Variants in ACTR3C observed in about 807,000 individuals in gnomAD.
ACTR3C encodes the protein actin-related protein 3C.
A neutral mutation model predicts 26.3 loss-of-function variants in ACTR3C; 18 were observed. The ratio of observed to expected loss-of-function variants is 0.68; its 90% CI spans 0.47 to 1.01. ACTR3C has a LOEUF of 1.01. Ranked by LOEUF, ACTR3C falls within the 50% of genes least tolerant of loss-of-function variation. ACTR3C has a pLI of 0.00. For missense variants in ACTR3C, 184 were observed against 250.7 expected (o/e 0.73, Z 1.80); for synonymous variants, 55 against 94.5 (o/e 0.58, Z 2.42).
the ACTR3C span, among the ~76,000 whole-genome samples, chr7:150,041,636 C>G: frequency 9.3e-6 from 1 of 107,118 alleles, no homozygotes; most frequent in Non-Finnish European, 2.1e-5. Context: ...CGGGGGGTGC[C>G]TCCCCCCCCC....
chr7:149,983,018 C>T, the ACTR3C span, among the ~76,000 whole-genome samples: 3 of 152,048 alleles, frequency 2.0e-5, no homozygotes, highest in African/African-American at 4.8e-5. Flanking sequence ...CAATAATACA[C>T]GATGGGAAAA....
At chr7:150,199,179 G>A in the ACTR3C span, among the ~76,000 whole-genome samples, 1 of 147,210 alleles carries the variant, frequency 6.8e-6, no homozygotes, top group Admixed American at 6.6e-5. Flanking sequence ...GAAAGGTGGG[G>A]AAAAGATTGA....
At chr7:150,040,617 G>C in the ACTR3C span, 1 of 146,928 alleles carries the variant, frequency 6.8e-6, no homozygotes, top group Admixed American at 6.7e-5. Flanking sequence ...TTCCCGAGCT[G>C]CGTTCGGACC....
At chr7:150,205,257 C>A in the ACTR3C span, among the ~76,000 whole-genome samples, 4 of 152,160 alleles carry the variant, frequency 2.6e-5, no homozygotes, top group South Asian at 8.3e-4. Flanking sequence ...CAAGTGAATT[C>A]ATGAAAGGGT....
At chr7:150,049,115 C>G in the ACTR3C span, among the ~76,000 whole-genome samples, 46 of 152,112 alleles carry the variant, frequency 3.0e-4, no homozygotes, top group African/African-American at 1.1e-3. Flanking sequence ...TGCCTCCTGC[C>G]CAGCCGCAGG....
chr7:150,210,341 C>G, the ACTR3C span, among the ~76,000 whole-genome samples: 1 of 151,064 alleles, frequency 6.6e-6, no homozygotes, highest in East Asian at 1.9e-4. Flanking sequence ...CATATGCCTA[C>G]TGTATGATCT....
intron 3 of ACTR3C, among the ~76,000 whole-genome samples, chr7:150,292,850 C>T (rs1836384950): frequency 6.6e-6 from 1 of 152,074 alleles, no homozygotes; most frequent in Non-Finnish European, 1.5e-5. Context: ...AGCTGGTTGC[C>T]ATTCACATCT....
At chr7:150,161,222 A>ATATATATATATATATATATATATATATT in the ACTR3C span, among the ~76,000 whole-genome samples, 2 of 120,378 alleles carry the variant, frequency 1.7e-5, no homozygotes, top group Admixed American at 8.3e-5. Flanking sequence ...ATATATATAT[A>ATATATATATATATATATATATATATATT]TATTTATTAT....
the ACTR3C span, among the ~76,000 whole-genome samples, chr7:150,187,359 A>G: frequency 1.3e-5 from 2 of 152,138 alleles, no homozygotes; most frequent in African/African-American, 4.8e-5. Context: ...TGTTACAAAT[A>G]TAGGAGATAA....
intron 6 of ACTR3C, among the ~76,000 whole-genome samples, chr7:150,254,085 G>A (rs1463372094): frequency 6.6e-6 from 1 of 152,162 alleles, no homozygotes; most frequent in African/African-American, 2.4e-5. Flanking sequence ...CTAGTGTTTT[G>A]TGATGAAGAA....
the ACTR3C span, among the ~76,000 whole-genome samples, chr7:149,925,152 C>CATAGAT: frequency 0.029 from 4,394 of 151,710 alleles, 290 homozygotes; most frequent in East Asian, 0.28. Context: ...AAATCAAATA[C>CATAGAT]ATAAAGTTAA....
chr7:150,051,598 G>C, the ACTR3C span, among the ~76,000 whole-genome samples: 1 of 121,674 alleles, frequency 8.2e-6, no homozygotes, highest in Non-Finnish European at 1.8e-5. Flanking sequence ...AAAATATTTT[G>C]CAAATTATTT....
chr7:150,147,560 TAAATG>T, the ACTR3C span, among the ~76,000 whole-genome samples: 7 of 152,284 alleles, frequency 4.6e-5, no homozygotes, highest in East Asian at 1.3e-3. Context: ...ATCCTCCTTA[TAAATG>T]AAATAATTAA....
the ACTR3C span, among the ~76,000 whole-genome samples, chr7:150,166,794 C>T: frequency 6.6e-6 from 1 of 150,512 alleles, no homozygotes; most frequent in Non-Finnish European, 1.5e-5. Flanking sequence ...TAAGCAACCT[C>T]TCTTCATGTC....
At chr7:150,054,329 C>G in the ACTR3C span, among the ~76,000 whole-genome samples, 2 of 152,210 alleles carry the variant, frequency 1.3e-5, no homozygotes, top group Non-Finnish European at 2.9e-5. Context: ...TTAACCTGTC[C>G]CCTGACACCT....
chr7:150,175,671 A>G, the ACTR3C span, among the ~76,000 whole-genome samples: 1 of 148,404 alleles, frequency 6.7e-6, no homozygotes, highest in East Asian at 1.9e-4. Flanking sequence ...AATTAGCTGG[A>G]TGTGGTGGTG....
the ACTR3C span, among the ~76,000 whole-genome samples, chr7:149,916,903 G>T: frequency 6.6e-6 from 1 of 152,130 alleles, no homozygotes; most frequent in Non-Finnish European, 1.5e-5. Context: ...ATAGTTACAT[G>T]TCTGCCTTTT....
At chr7:150,174,849 T>C in the ACTR3C span, among the ~76,000 whole-genome samples, 1 of 148,498 alleles carries the variant, frequency 6.7e-6, no homozygotes, top group Admixed American at 6.6e-5. Context: ...CCAGTCAAAA[T>C]ATTGCTGAAA....
the ACTR3C span, among the ~76,000 whole-genome samples, chr7:149,937,815 C>T: frequency 6.6e-6 from 1 of 152,184 alleles, no homozygotes; most frequent in Non-Finnish European, 1.5e-5. Flanking sequence ...GAATAAGGCG[C>T]ATTCTGATCC....
Sources: allele counts gnomAD v4.1 joint callset (sites outside exome capture counted in the v4.1 genomes callset), GRCh38; gene constraint gnomAD v4.1.1; transcripts MANE v1.5; gene names NCBI Gene and HGNC (gene_info 2026-07-23, HGNC 2026-07-21).